The following ARHGAP26 variants were observed in gnomAD, a reference collection of about 807,000 sequenced individuals.
ARHGAP26 encodes Rho GTPase activating protein 26, also known as rho GTPase-activating protein 26.
Under a neutral mutation model 104.8 loss-of-function variants are expected in ARHGAP26, and 38 were observed. That is an observed-to-expected ratio of 0.36 (90% CI 0.28 to 0.48). The LOEUF (loss-of-function observed/expected upper bound fraction) is 0.48, where lower values mean the gene tolerates loss of function less well. Among genes scored for constraint, ARHGAP26 ranks in the 20% least tolerant of loss-of-function variants. The pLI, the probability that ARHGAP26 is intolerant of heterozygous loss-of-function variation, is 0.99. For missense variants in ARHGAP26, 704 were observed against 947.9 expected (o/e 0.74, Z 3.38); for synonymous variants, 341 against 340.0 (o/e 1.00, Z -0.03).
At chr5:142,915,278 G>A (rs1347114445) in intron 10 of ARHGAP26, among the ~76,000 whole-genome samples, 1 of 151,778 alleles carries the variant, frequency 6.6e-6, no homozygotes. Flanking sequence ...TTGCTCCTGA[G>A]TTTCTGTCCC....
intron 1 of ARHGAP26, among the ~76,000 whole-genome samples, chr5:142,779,026 G>A (rs1464200455): frequency 6.6e-6 from 1 of 152,050 alleles, no homozygotes; most frequent in Non-Finnish European, 1.5e-5. Context: ...TATTAGCCCT[G>A]GAACTGCTTG....
chr5:143,102,782 T>C (rs1028043719), intron 17 of ARHGAP26, among the ~76,000 whole-genome samples: 2 of 152,252 alleles, frequency 1.3e-5, no homozygotes, highest in Admixed American at 1.3e-4. Flanking sequence ...CTCCTCCTCC[T>C]TCTCCTTATC....
chr5:143,161,057 G>T (rs550824430), intron 20 of ARHGAP26, among the ~76,000 whole-genome samples: 6 of 142,726 alleles, frequency 4.2e-5, no homozygotes, highest in African/African-American at 1.6e-4. Flanking sequence ...TGTTGCTCAG[G>T]CTGGAGTGCA....
chr5:142,795,720 A>G (rs1760847697), intron 1 of ARHGAP26, among the ~76,000 whole-genome samples: 1 of 152,206 alleles, frequency 6.6e-6, no homozygotes, highest in African/African-American at 2.4e-5. Context: ...GTTTGAAAAG[A>G]GAGAATGTTA....
chr5:143,036,509 C>G (rs245826), intron 12 of ARHGAP26, among the ~76,000 whole-genome samples: 144,115 of 152,286 alleles, frequency 0.95, 68,847 homozygotes, highest in Non-Finnish European at 1. Flanking sequence ...GTTCTTGGCT[C>G]TTTTAATTTT....
chr5:143,114,481 C>A (rs774385641), intron 17 of ARHGAP26, among the ~76,000 whole-genome samples: 1 of 152,176 alleles, frequency 6.6e-6, no homozygotes, highest in South Asian at 2.1e-4. Flanking sequence ...TGAAAAGAAC[C>A]AAATTAACAG....
intron 1 of ARHGAP26, among the ~76,000 whole-genome samples, chr5:142,854,892 G>A (rs541742848): frequency 1.6e-4 from 24 of 152,158 alleles, no homozygotes; most frequent in Middle Eastern, 3.4e-3. Context: ...TCTACTCTAC[G>A]CTCCCATGGA....
At chr5:142,943,689 T>G (rs1226531903) in intron 11 of ARHGAP26, among the ~76,000 whole-genome samples, 2 of 152,356 alleles carry the variant, frequency 1.3e-5, no homozygotes, top group East Asian at 3.9e-4. Flanking sequence ...TTCATTATTC[T>G]AACTTCTTTA....
chr5:143,063,574 TC>T (rs1317682688), intron 17 of ARHGAP26, among the ~76,000 whole-genome samples: 1 of 152,226 alleles, frequency 6.6e-6, no homozygotes, highest in African/African-American at 2.4e-5. Context: ...ACCATCCTGT[TC>T]CTACTGCATG....
chr5:142,974,124 C>T (rs1475557713), intron 11 of ARHGAP26, among the ~76,000 whole-genome samples: 2 of 151,562 alleles, frequency 1.3e-5, no homozygotes, highest in African/African-American at 4.8e-5. Context: ...CTGCTTGCTT[C>T]TGCTATAGTT....
At chr5:143,092,970 T>C (rs573750421) in intron 17 of ARHGAP26, among the ~76,000 whole-genome samples, 7 of 152,350 alleles carry the variant, frequency 4.6e-5, no homozygotes, top group Non-Finnish European at 7.3e-5. Context: ...TATCGTCCTG[T>C]CCTGAAGGGA....
chr5:143,224,316 T>C lies in ARHGAP26; in HGVS notation c.*1870T>C, dbSNP rs1039032055. ...TTCGGCCTGAAGGAAAGAGAAGACA[T>C]TTCTATGGCCTTGCTCTCTGCTGTC... On this transcript the variant is annotated 3_prime_UTR_variant, in exon 23 of 23. Transcript: ENST00000645722. 2.6e-5 allele frequency: 6 copies of C among 231,624 alleles called. No individual in the cohort carries two copies. The highest frequency in any genetic ancestry group is 5.1e-5 in the Non-Finnish European group (6 of 116,848). 14.3% of individuals were successfully genotyped at this position (231,624 alleles called of 1,614,324 possible). A position where few individuals can be genotyped will look rare whatever the true frequency, so the allele number is the denominator to read the frequency against.
intron 20 of ARHGAP26, among the ~76,000 whole-genome samples, chr5:143,187,184 C>T (rs142542059): frequency 5.3e-5 from 8 of 152,110 alleles, no homozygotes; most frequent in Non-Finnish European, 8.8e-5. Context: ...GGTTAAGTTG[C>T]CCAGGGTGAC....
intron 11 of ARHGAP26, among the ~76,000 whole-genome samples, chr5:142,960,542 ACAG>A (rs1770056026): frequency 6.6e-6 from 1 of 152,240 alleles, no homozygotes. Context: ...ATCAGATCAA[ACAG>A]CAGATACAGG....
intron 20 of ARHGAP26, chr5:143,165,464 T>C (rs960300360): frequency 2.0e-5 from 3 of 152,242 alleles, no homozygotes; most frequent in African/African-American, 4.8e-5. Flanking sequence ...ACTCCCTCAT[T>C]CTTCAGTCTT....
At chr5:142,912,939 T>C (rs1280912284) in intron 9 of ARHGAP26, among the ~76,000 whole-genome samples, 1 of 152,234 alleles carries the variant, frequency 6.6e-6, no homozygotes, top group East Asian at 1.9e-4. Context: ...CACTCGTTTA[T>C]CTACCATGGA....
rs77257658 is a variant in ARHGAP26 at position 142,956,795 on chromosome 5, G to A, written c.1107+24670G>A. Among the ~76,000 whole-genome samples, 431 of 152,258 alleles carry A rather than the reference G, an allele frequency of 2.8e-3. 9 individuals carry two copies. In the East Asian group the frequency reaches 0.042, roughly 15 times the overall value. ...CTGGGGAAGGCCTCACAATTATGGC[G>A]GAGGGTGAAAGGCACTTCTTACATG... is the stretch of plus-strand genomic sequence containing the variant. On this transcript the variant is annotated intron_variant, in intron 11 of 22. Coordinates refer to ENST00000645722, the MANE Select transcript of ARHGAP26 (RefSeq NM_001135608.3).
At chr5:143,152,293 G>C (rs1464583931) in intron 20 of ARHGAP26, among the ~76,000 whole-genome samples, 1 of 152,180 alleles carries the variant, frequency 6.6e-6, no homozygotes, top group East Asian at 1.9e-4. Flanking sequence ...GTTAATGCAA[G>C]ATGTTAATAA....
At chr5:143,019,081 A>G (rs1028365157) in intron 12 of ARHGAP26, among the ~76,000 whole-genome samples, 3 of 152,174 alleles carry the variant, frequency 2.0e-5, no homozygotes, top group African/African-American at 4.8e-5. Context: ...TTAAAAACCA[A>G]TATTTTATTT....
Sources: allele counts gnomAD v4.1 joint callset (sites outside exome capture counted in the v4.1 genomes callset), GRCh38; gene constraint gnomAD v4.1.1; transcripts MANE v1.5; gene names NCBI Gene and HGNC (gene_info 2026-07-23, HGNC 2026-07-21).